CNNM1: variants seen among roughly 807,000 people sequenced by gnomAD.
CNNM1 encodes cyclin and CBS domain divalent metal cation transport mediator 1, also known as metal transporter CNNM1.
In CNNM1, 44 loss-of-function variants were observed where a neutral mutation model predicts 78.8. That is an observed-to-expected ratio of 0.56 (90% CI 0.44 to 0.72). CNNM1 has a LOEUF of 0.72. Ranked by LOEUF, CNNM1 falls within the 30% of genes least tolerant of loss-of-function variation. The pLI is 0.00. For missense variants in CNNM1, 1,101 were observed against 1,292.2 expected (o/e 0.85, Z 2.27); for synonymous variants, 584 against 581.5 (o/e 1.00, Z -0.06).
chr10:99,357,995 TC>T (rs985675973), intron 2 of CNNM1, among the ~76,000 whole-genome samples: 1 of 152,114 alleles, frequency 6.6e-6, no homozygotes, highest in African/African-American at 2.4e-5. Flanking sequence ...CTTGTTTCTG[TC>T]CCCTGTGTTC....
intron 1 of CNNM1, among the ~76,000 whole-genome samples, chr10:99,348,305 C>T (rs2030797133): frequency 6.6e-6 from 1 of 152,182 alleles, no homozygotes; most frequent in African/African-American, 2.4e-5. Flanking sequence ...CTCAGCCTCC[C>T]AAAGTGTTGG....
At chr10:99,382,880 A>C (rs1173939255) in intron 7 of CNNM1, among the ~76,000 whole-genome samples, 2 of 152,242 alleles carry the variant, frequency 1.3e-5, no homozygotes. Flanking sequence ...CTTTCAGAAT[A>C]AACAGACCTC....
At chr10:99,348,674 G>A (rs188736764) in intron 1 of CNNM1, among the ~76,000 whole-genome samples, 45 of 152,334 alleles carry the variant, frequency 3.0e-4, no homozygotes, top group African/African-American at 9.9e-4. Context: ...AATGTGTCTT[G>A]AAGATTAGGA....
intron 1 of CNNM1, among the ~76,000 whole-genome samples, chr10:99,352,210 AAATGG>A (rs1406858261): frequency 6.6e-6 from 1 of 152,222 alleles, no homozygotes; most frequent in Non-Finnish European, 1.5e-5. Flanking sequence ...AATTTTACAT[AAATGG>A]AATCATACAG....
chr10:99,349,714 A>C (rs1048523766), intron 1 of CNNM1, among the ~76,000 whole-genome samples: 3 of 152,150 alleles, frequency 2.0e-5, no homozygotes, highest in African/African-American at 7.2e-5. Context: ...TAAAACAGCT[A>C]TCTGGGCCGG....
intron 1 of CNNM1, among the ~76,000 whole-genome samples, chr10:99,340,761 T>C (rs1292405446): frequency 2.0e-5 from 3 of 147,666 alleles, no homozygotes; most frequent in African/African-American, 7.5e-5. Flanking sequence ...CTTTCTTTCT[T>C]TCTCTCTCTC....
chr10:99,351,395 C>A (rs1341803481), intron 1 of CNNM1, among the ~76,000 whole-genome samples: 2 of 152,102 alleles, frequency 1.3e-5, no homozygotes, highest in Non-Finnish European at 2.9e-5. Flanking sequence ...CCACATATGC[C>A]ATTAGGAAGT....
At chr10:99,390,660 C>T (rs191947831) in intron 10 of CNNM1, among the ~76,000 whole-genome samples, 1 of 152,352 alleles carries the variant, frequency 6.6e-6, no homozygotes, top group East Asian at 1.9e-4. Context: ...ATTCTGACCT[C>T]CCTCCTTTAC....
At chr10:99,389,916 G>A (rs2032422097) in intron 9 of CNNM1, among the ~76,000 whole-genome samples, 1 of 152,144 alleles carries the variant, frequency 6.6e-6, no homozygotes, top group Admixed American at 6.5e-5. Flanking sequence ...GCTTTCCAGG[G>A]TTTGTGCAAA....
intron 1 of CNNM1, among the ~76,000 whole-genome samples, chr10:99,342,907 A>C (rs756489156): frequency 1.3e-5 from 2 of 152,134 alleles, no homozygotes; most frequent in East Asian, 3.8e-4. Flanking sequence ...AAAAGCATAA[A>C]ATTTTAGAGC....
intron 7 of CNNM1, among the ~76,000 whole-genome samples, chr10:99,381,748 A>G (rs1047613875): frequency 6.6e-6 from 1 of 150,916 alleles, no homozygotes; most frequent in Non-Finnish European, 1.5e-5. Context: ...CGTCTCAAAA[A>G]AAAAAACCAA....
rs200811558 is a variant in CNNM1, at chr10:99,387,865, G to A, written c.2386G>A (p.Asp796Asn). The A allele has an allele frequency of 1.2e-6, 2 of 1,612,946 alleles. No homozygotes were observed. The highest frequency in any genetic ancestry group is 1.7e-5 in the Admixed American group (1 of 59,868). The part of the protein sequence containing the change: ...YQNALTACHM[D>N]SSPQSPDMEA... ...GAACGCACTCACTGCCTGCCACATG[G>A]ACAGCTCACCTCAGTCCCCTGACAT... is the stretch of plus-strand genomic sequence containing the variant. Residue 796 changes from aspartate (D) to asparagine (N), a missense_variant, in exon 8 of 11, where the codon GAC becomes AAC. By Grantham distance (23) the Asp-to-Asn change is conservative (BLOSUM62 1). Coordinates refer to ENST00000356713, the MANE Select transcript of CNNM1 (RefSeq NM_020348.3).
intron 5 of CNNM1, 97 bp from the exon 6 acceptor site, chr10:99,364,858 T>G: frequency 8.6e-7 from 1 of 1,166,042 alleles, no homozygotes; most frequent in Non-Finnish European, 1.2e-6. Flanking sequence ...TTTTACAGGG[T>G]TAATTGGTGC....
rs2031562792 is a variant in CNNM1 at position 99,364,947 on chromosome 10, G to C, written c.2129-8G>C. The stretch of plus-strand genomic sequence containing the variant: ...CCTCTGAAACCCACTGCATGCTTCT[G>C]TCCTTAGATAATGACGTGCGGAAGG... On this transcript the variant is annotated splice_region_variant and splice_polypyrimidine_tract_variant and intron_variant, in intron 5 of 10. Coordinates refer to ENST00000356713, the MANE Select transcript of CNNM1 (RefSeq NM_020348.3). The C allele has an allele frequency of 6.2e-7, 1 of 1,613,678 alleles. No homozygotes were observed. The highest frequency in any genetic ancestry group is 8.5e-7 in the Non-Finnish European group (1 of 1,179,738).
rs141821879 is a variant in CNNM1, at chr10:99,363,663, C to T, written c.2029-754C>T. Among the ~76,000 whole-genome samples, 5 of 151,766 alleles carry T rather than the reference C, an allele frequency of 3.3e-5. No individual in the cohort carries two copies. In the East Asian group the frequency reaches 9.7e-4, roughly 29 times the overall value. ...CACATAATACAGTGTCATGTCCATG[C>T]ATGCTATGCATTACATATCAGCTAT... On this transcript the variant is annotated intron_variant, in intron 4 of 10. Transcript: ENST00000356713.
At position 99,369,699 on chromosome 10, in the gene CNNM1, T is replaced by TTC. The variant is rs201134671; in HGVS notation, c.2176+4710_2176+4711dup. Among the ~76,000 whole-genome samples, 16 of 151,954 alleles carry TTC rather than the reference T, an allele frequency of 1.1e-4. 1 individual carries two copies. The highest frequency in any genetic ancestry group is 4.2e-4 in the South Asian group (2 of 4,800). On this transcript the variant is annotated intron_variant, in intron 6 of 10. Transcript: ENST00000356713. ...CACCTTCTCAAATTTCACCAAAGTTTTCTCTCTCTCTCTCGATGGTGATTT... is the reference window on the plus strand; with the variant it reads ...CACCTTCTCAAATTTCACCAAAGTTTTCTCTCTCTCTCTCTCGATGGTGATTT...
chr10:99,364,543 G>A, intron 5 of CNNM1, 27 bp downstream of exon 5: 1 of 1,552,758 alleles, frequency 6.4e-7, no homozygotes, highest in Non-Finnish European at 8.8e-7. Flanking sequence ...TTGTTTATTG[G>A]GAAAGTAATG....
chr10:99,346,890 G>A (rs1416439283), intron 1 of CNNM1, among the ~76,000 whole-genome samples: 1 of 152,160 alleles, frequency 6.6e-6, no homozygotes, highest in Non-Finnish European at 1.5e-5. Flanking sequence ...GATTACAGGC[G>A]TGAGCCACTG....
At chr10:99,375,684 A>G (rs1377163147) in intron 6 of CNNM1, among the ~76,000 whole-genome samples, 1 of 152,182 alleles carries the variant, frequency 6.6e-6, no homozygotes, top group African/African-American at 2.4e-5. Flanking sequence ...CTAATCAAAT[A>G]TTTTGCTTTA....
Sources: allele counts gnomAD v4.1 joint callset (sites outside exome capture counted in the v4.1 genomes callset), GRCh38; gene constraint gnomAD v4.1.1; transcripts MANE v1.5; gene names NCBI Gene and HGNC (gene_info 2026-07-23, HGNC 2026-07-21).